The following NTNG1 variants were observed in gnomAD, a reference collection of about 807,000 sequenced individuals.
The protein encoded by NTNG1 is netrin-G1.
In NTNG1, 16 loss-of-function variants were observed where a neutral mutation model predicts 54.0. That is an observed-to-expected ratio of 0.30 (90% CI 0.20 to 0.45). NTNG1 has a LOEUF of 0.45. Ranked by LOEUF, NTNG1 falls within the 20% of genes least tolerant of loss-of-function variation. The pLI is 1.00. For synonymous variants in NTNG1, 255 were observed against 263.1 expected, an observed-to-expected ratio of 0.97 and a Z score of 0.30; for missense variants, 530 against 678.7, an observed-to-expected ratio of 0.78 and a Z score of 2.43.
At chr1:107,427,667 G>A (rs1395097118) in intron 5 of NTNG1, among the ~76,000 whole-genome samples, 1 of 151,970 alleles carries the variant, frequency 6.6e-6, no homozygotes, top group Admixed American at 6.6e-5. Context: ...AGTCTCAGAA[G>A]AGTACTAGAA....
intron 7 of NTNG1, among the ~76,000 whole-genome samples, 189 bp from the exon 8 acceptor site, chr1:107,480,422 C>G (rs1678612358): frequency 6.6e-6 from 1 of 152,000 alleles, no homozygotes; most frequent in Non-Finnish European, 1.5e-5. Flanking sequence ...ATGATAAAAA[C>G]AAAGGCAGAA....
At chr1:107,227,078 C>A (rs1660737139) in intron 2 of NTNG1, among the ~76,000 whole-genome samples, 1 of 152,224 alleles carries the variant, frequency 6.6e-6, no homozygotes, top group South Asian at 2.1e-4. Flanking sequence ...GGTGGAGAAT[C>A]ATACTCCCTC....
At chr1:107,438,681 G>T (rs1319267677) in intron 7 of NTNG1, among the ~76,000 whole-genome samples, 5 of 152,160 alleles carry the variant, frequency 3.3e-5, no homozygotes, top group Non-Finnish European at 7.3e-5. Flanking sequence ...TGGGTTGCTG[G>T]AGTGTACTCA....
intron 5 of NTNG1, 54 bp downstream of exon 5, chr1:107,407,762 C>T (rs1213271322): frequency 1.4e-6 from 2 of 1,447,976 alleles, no homozygotes; most frequent in African/African-American, 2.8e-5. Context: ...GCTAGCTTTG[C>T]TTTGTTGTTC....
chr1:107,190,513 G>T (rs1657824554), intron 2 of NTNG1, among the ~76,000 whole-genome samples: 1 of 151,990 alleles, frequency 6.6e-6, no homozygotes, highest in Non-Finnish European at 1.5e-5. Flanking sequence ...TGCCATGTTG[G>T]TGTGCTGCAC....
At chr1:107,401,428 T>G (rs1473461679) in intron 4 of NTNG1, among the ~76,000 whole-genome samples, 1 of 152,180 alleles carries the variant, frequency 6.6e-6, no homozygotes, top group Admixed American at 6.5e-5. Flanking sequence ...TGATTTGGAA[T>G]TCAACATCTT....
At chr1:107,388,591 A>C (rs948668298) in intron 3 of NTNG1, among the ~76,000 whole-genome samples, 1 of 152,250 alleles carries the variant, frequency 6.6e-6, no homozygotes, top group African/African-American at 2.4e-5. Flanking sequence ...AGCAATGAGC[A>C]CAATGCCAGG....
intron 2 of NTNG1, among the ~76,000 whole-genome samples, chr1:107,192,666 A>C (rs1394343964): frequency 1.3e-5 from 2 of 152,034 alleles, no homozygotes; most frequent in Non-Finnish European, 2.9e-5. Context: ...TGTATTTCCA[A>C]AATGTGTACA....
At chr1:107,433,406 C>A (rs557026310) in intron 6 of NTNG1, among the ~76,000 whole-genome samples, 2 of 152,154 alleles carry the variant, frequency 1.3e-5, no homozygotes, top group Non-Finnish European at 2.9e-5. Flanking sequence ...ATTAGCTGAG[C>A]GTGGTGGCCT....
intron 2 of NTNG1, among the ~76,000 whole-genome samples, chr1:107,226,977 A>G (rs577817012): frequency 6.6e-6 from 1 of 152,222 alleles, no homozygotes; most frequent in African/African-American, 2.4e-5. Context: ...TCCTGAATCC[A>G]CATCTACTTC....
chr1:107,165,072 TC>T (rs990821178), intron 2 of NTNG1, among the ~76,000 whole-genome samples: 4 of 152,066 alleles, frequency 2.6e-5, no homozygotes, highest in African/African-American at 9.7e-5. Flanking sequence ...TCAGGATGAT[TC>T]AGGTCAGAGA....
chr1:107,225,590 C>T (rs1411204225), intron 2 of NTNG1, among the ~76,000 whole-genome samples: 3 of 152,096 alleles, frequency 2.0e-5, no homozygotes, highest in African/African-American at 7.2e-5. Context: ...ATCCTCCTCC[C>T]TCTGTGGAAA....
At chr1:107,227,823 C>T (rs1660792555) in intron 2 of NTNG1, among the ~76,000 whole-genome samples, 1 of 152,096 alleles carries the variant, frequency 6.6e-6, no homozygotes, top group South Asian at 2.1e-4. Flanking sequence ...TGTTAAATCT[C>T]ATTCAAAGAT....
chr1:107,400,279 G>C (rs1051503640), intron 4 of NTNG1, among the ~76,000 whole-genome samples: 1 of 151,946 alleles, frequency 6.6e-6, no homozygotes, highest in South Asian at 2.1e-4. Flanking sequence ...AATTACTTCT[G>C]TCTCTCTCTC....
At chr1:107,346,884 T>TAAAAAA (rs537482440) in intron 3 of NTNG1, among the ~76,000 whole-genome samples, 3 of 97,122 alleles carry the variant, frequency 3.1e-5, no homozygotes, top group Non-Finnish European at 4.0e-5. Context: ...TTTTCTATCC[T>TAAAAAA]AAAAAAAAAA....
At chr1:107,376,792 C>T (rs921335722) in intron 3 of NTNG1, among the ~76,000 whole-genome samples, 1 of 152,104 alleles carries the variant, frequency 6.6e-6, no homozygotes, top group Non-Finnish European at 1.5e-5. Context: ...TCCCAGCTTC[C>T]AGTCTTCTTT....
chr1:107,190,091 T>C (rs1354106168), intron 2 of NTNG1, among the ~76,000 whole-genome samples: 1 of 152,164 alleles, frequency 6.6e-6, no homozygotes, highest in Non-Finnish European at 1.5e-5. Context: ...ATTCCACTTA[T>C]GTGAGCTCTC....
chr1:107,480,920 AAC>A lies in NTNG1; in HGVS notation c.*88_*89del. 1 of 1,079,022 alleles carries A rather than the reference AAC, an allele frequency of 9.3e-7. No homozygotes were observed. Among genetic ancestry groups the A allele is most frequent in the Non-Finnish European group, 1.4e-6 (1 of 733,090 alleles). The allele number at this position is 1,079,022 out of a possible 1,614,324, so 66.8% of individuals were successfully genotyped here. On this transcript the variant is annotated 3_prime_UTR_variant, in exon 8 of 8. Coordinates refer to ENST00000370068, the MANE Select transcript of NTNG1 (RefSeq NM_001113226.3). ...CCAAACATTTGCTACTAACATAGGA[AAC>A]ACACACATACAGACACCCCCACTCA...
intron 2 of NTNG1, among the ~76,000 whole-genome samples, chr1:107,214,643 T>C (rs1214342758): frequency 6.6e-6 from 1 of 152,152 alleles, no homozygotes; most frequent in African/African-American, 2.4e-5. Flanking sequence ...ACCCAGGATA[T>C]CTACCTTGAT....
Sources: gnomAD v4.1 joint callset for allele counts (sites outside exome capture counted in the v4.1 genomes callset) on GRCh38, gnomAD v4.1.1 for gene constraint, MANE v1.5 for transcripts, NCBI Gene and HGNC (gene_info 2026-07-23, HGNC 2026-07-21) for gene names.